The following ZFAT variants were observed in gnomAD, a reference collection of about 807,000 sequenced individuals.
The protein encoded by ZFAT is zinc finger and AT-hook domain containing.
A neutral mutation model predicts 117.7 loss-of-function variants in ZFAT; 64 were observed. The observed-to-expected ratio is 0.54, with a 90% confidence interval of 0.44 to 0.67. ZFAT has a LOEUF of 0.67. ZFAT is among the 30% of genes least tolerant of loss of function. The pLI is 0.00. For synonymous variants in ZFAT, 679 were observed against 615.0 expected, an observed-to-expected ratio of 1.10 and a Z score of -1.54; for missense variants, 1,433 against 1,584.5, an observed-to-expected ratio of 0.90 and a Z score of 1.62.
intron 3 of ZFAT, among the ~76,000 whole-genome samples, chr8:134,612,245 G>A (rs919048931): frequency 5.9e-5 from 9 of 152,238 alleles, no homozygotes; most frequent in African/African-American, 1.2e-4. Flanking sequence ...AGCAGGGTGC[G>A]CAAGCGCAAG....
intron 10 of ZFAT, among the ~76,000 whole-genome samples, chr8:134,574,086 G>C (rs1313198473): frequency 6.6e-6 from 1 of 152,206 alleles, no homozygotes; most frequent in Non-Finnish European, 1.5e-5. Context: ...CCAAACCTAC[G>C]AGAGTTCGAA....
intron 15 of ZFAT, among the ~76,000 whole-genome samples, chr8:134,502,698 G>A (rs1819087294): frequency 6.6e-6 from 1 of 152,244 alleles, no homozygotes; most frequent in African/African-American, 2.4e-5. Flanking sequence ...CAAAGCTGGA[G>A]TTCCTGCTTG....
chr8:134,679,933 T>TG (rs1832986601), intron 1 of ZFAT, among the ~76,000 whole-genome samples: 1 of 94,762 alleles, frequency 1.1e-5, no homozygotes, highest in South Asian at 4.0e-4. Context: ...CACTGGGGCC[T>TG]GTGGGGGGTT....
chr8:134,757,906 T>G, the ZFAT span, among the ~76,000 whole-genome samples: 1 of 152,158 alleles, frequency 6.6e-6, no homozygotes, highest in Admixed American at 6.5e-5. Context: ...GCTTTGGTTA[T>G]TGTGCCTGCA....
chr8:134,699,543 G>T (rs1478021477), intron 1 of ZFAT, among the ~76,000 whole-genome samples: 5 of 152,158 alleles, frequency 3.3e-5, no homozygotes, highest in African/African-American at 4.8e-5. Context: ...AGGGTGGGAA[G>T]AGCTGACGGC....
intron 3 of ZFAT, among the ~76,000 whole-genome samples, chr8:134,618,581 G>A (rs184750949): frequency 6.7e-4 from 102 of 152,230 alleles, no homozygotes; most frequent in African/African-American, 1.9e-3. Context: ...CATACCAAGC[G>A]TGTCTCCTCT....
intron 11 of ZFAT, among the ~76,000 whole-genome samples, chr8:134,561,103 G>A (rs1320858532): frequency 6.6e-6 from 1 of 152,204 alleles, no homozygotes; most frequent in Non-Finnish European, 1.5e-5. Context: ...ACATGGAAAT[G>A]CTTTTGGCAT....
the ZFAT span, chr8:134,784,526 A>G: frequency 6.6e-6 from 1 of 152,304 alleles, no homozygotes; most frequent in East Asian, 1.9e-4. Context: ...CAATCTAGCG[A>G]ACATAAAAAT....
intron 1 of ZFAT, among the ~76,000 whole-genome samples, chr8:134,671,505 C>A (rs1832560949): frequency 6.6e-6 from 1 of 152,200 alleles, no homozygotes; most frequent in Admixed American, 6.5e-5. Flanking sequence ...ACAAAAACCA[C>A]ATGATTATCT....
In ZFAT at chr8:134,619,443, AACAAACACATCTC is replaced by A. The variant is rs550830137; in HGVS notation, c.449-8801_449-8789del. Among the ~76,000 whole-genome samples, 12 of 152,236 alleles carry A rather than the reference AACAAACACATCTC, an allele frequency of 7.9e-5. No individual in the cohort carries two copies. In the East Asian group the frequency reaches 1.9e-3, roughly 24 times the overall value. On this transcript the variant is annotated intron_variant, in intron 3 of 15. Coordinates refer to ENST00000377838, the MANE Select transcript of ZFAT (RefSeq NM_020863.4). ...TAGTGCCCTAAGCTCTGTCTGATCT[AACAAACACATCTC>A]ACAAACACATCTCACACAAACAGTC... is the stretch of plus-strand genomic sequence containing the variant.
intron 15 of ZFAT, among the ~76,000 whole-genome samples, chr8:134,499,259 T>G (rs868631580): frequency 8.5e-4 from 68 of 80,084 alleles, no homozygotes; most frequent in Middle Eastern, 0.013. Flanking sequence ...CCTGATTTGG[T>G]AGGGTCGGGG....
Position 134,586,039 on chromosome 8 carries a change from C to T in ZFAT, c.2714-2034G>A, listed in dbSNP as rs74941523. Among the ~76,000 whole-genome samples, 442 of 152,014 alleles carry T rather than the reference C, an allele frequency of 2.9e-3. 4 individuals are homozygous for T. Among genetic ancestry groups the T allele is most frequent in the African/African-American group, 0.01 (424 of 41,428 alleles). On this transcript the variant is annotated intron_variant, in intron 9 of 15. Coordinates refer to ENST00000377838, the MANE Select transcript of ZFAT (RefSeq NM_020863.4). ...TCTTGTCCTATGTTTTGAGAGTAAA[C>T]GGAGACAAGGGATATTTTATGGTAC...
Position 134,521,010 on chromosome 8 carries a change from A to C in ZFAT, c.3116-9T>G. The C allele has an allele frequency of 6.2e-7, 1 of 1,607,514 alleles. No homozygotes were observed. The highest frequency in any genetic ancestry group is 1.3e-5 in the African/African-American group (1 of 74,802). On this transcript the variant is annotated splice_polypyrimidine_tract_variant and intron_variant, in intron 12 of 15. Transcript: ENST00000377838. ...AGGACACTTCAAACCACCTGAAAGC[A>C]CAGACAGAGGTTAAAAAAAAAATGT... is the stretch of plus-strand genomic sequence containing the variant.
intron 10 of ZFAT, chr8:134,565,771 G>A (rs777850940): frequency 2.3e-5 from 8 of 354,154 alleles, no homozygotes; most frequent in Non-Finnish European, 4.2e-5. Context: ...GAGACTGCAG[G>A]GGAATGGACC....
intron 1 of ZFAT, among the ~76,000 whole-genome samples, chr8:134,702,484 T>G (rs1448652826): frequency 6.6e-6 from 1 of 152,148 alleles, no homozygotes; most frequent in Non-Finnish European, 1.5e-5. Flanking sequence ...GTTTCCCCCA[T>G]ACTGTTCTGA....
In ZFAT at chr8:134,663,490, G is replaced by GGCCCT. The variant is rs1353169712; in HGVS notation, c.20-5754_20-5753insAGGGC. On this transcript the variant is annotated intron_variant, in intron 1 of 15. Transcript: ENST00000377838. The stretch of plus-strand genomic sequence containing the variant: ...AAAATAACTTCTGCCTGTAATCCCA[G>GGCCCT]CACTTCGGGAGGGCAAGGTGGGTGG... Among the ~76,000 whole-genome samples, 111 of 152,282 alleles carry GGCCCT rather than the reference G, an allele frequency of 7.3e-4. 2 individuals are homozygous for GGCCCT. The Middle Eastern group carries it at 0.024, about 33-fold the overall frequency.
the ZFAT span, among the ~76,000 whole-genome samples, chr8:134,822,853 A>T: frequency 2.0e-5 from 3 of 152,172 alleles, no homozygotes; most frequent in Non-Finnish European, 4.4e-5. Flanking sequence ...AAGATTAAAA[A>T]GCGGCTTCAT....
the ZFAT span, among the ~76,000 whole-genome samples, chr8:134,774,666 A>C: frequency 6.6e-6 from 1 of 152,232 alleles, no homozygotes; most frequent in Admixed American, 6.5e-5. Context: ...AAATCAAAAA[A>C]CTTGACCTTC....
the ZFAT span, among the ~76,000 whole-genome samples, chr8:134,808,165 G>C: frequency 6.6e-6 from 1 of 152,248 alleles, no homozygotes. Flanking sequence ...TGGTTTCCCT[G>C]ACATGCACAT....
Sources: allele counts gnomAD v4.1 joint callset (sites outside exome capture counted in the v4.1 genomes callset), GRCh38; gene constraint gnomAD v4.1.1; transcripts MANE v1.5; gene names NCBI Gene and HGNC (gene_info 2026-07-23, HGNC 2026-07-21).